Variants in NF1 observed in about 807,000 individuals in gnomAD.
NF1 encodes the protein neurofibromin.
In NF1, 122 loss-of-function variants were observed where a neutral mutation model predicts 325.7. The ratio of observed to expected loss-of-function variants is 0.37; its 90% CI spans 0.32 to 0.44. NF1 has a LOEUF of 0.44. NF1 is among the 20% of genes least tolerant of loss of function. The pLI is 1.00. For synonymous variants in NF1, 1,091 were observed against 1,186.0 expected, an observed-to-expected ratio of 0.92 and a Z score of 1.65; for missense variants, 2,140 against 3,415.4, an observed-to-expected ratio of 0.63 and a Z score of 9.31.
intron 29 of NF1, among the ~76,000 whole-genome samples, chr17:31,240,059 C>T (rs1343725355): frequency 6.6e-6 from 1 of 152,126 alleles, no homozygotes; most frequent in Admixed American, 6.5e-5. Flanking sequence ...CCACCGTGCC[C>T]GGCCTATCGT....
At chr17:31,333,492 C>T (rs1442756031) in intron 39 of NF1, among the ~76,000 whole-genome samples, 1 of 152,128 alleles carries the variant, frequency 6.6e-6, no homozygotes, top group Admixed American at 6.5e-5. Context: ...TCAGTACCCT[C>T]CCTTCACCAA....
rs876659035 is a variant in NF1 at position 31,356,512 on chromosome 17, G to C, written c.7668G>C (p.Arg2556Ser). The C allele has an allele frequency of 6.2e-7, 1 of 1,613,620 alleles. No individual in the cohort carries two copies. The highest frequency in any genetic ancestry group is 1.3e-5 in the African/African-American group (1 of 74,908). Residue 2556 changes from arginine (R) to serine (S), a missense_variant, in exon 52 of 58, where the codon AGG becomes AGC. Coordinates refer to ENST00000358273, the MANE Select transcript of NF1 (RefSeq NM_001042492.3). ...HLISDTKAPK[R>S]QEMESGITTP... ...TATCAGACACAAAGGCTCCTAAAAG[G>C]CAAGAAATGGAATCAGGGATCACAA...
intron 36 of NF1, among the ~76,000 whole-genome samples, chr17:31,313,490 G>C (rs1028250229): frequency 2.0e-5 from 3 of 152,040 alleles, no homozygotes; most frequent in African/African-American, 7.2e-5. Flanking sequence ...GATCACCCAA[G>C]GTCAGGAGTA....
At chr17:31,250,115 A>G (rs958458799) in intron 30 of NF1, 1 of 430,560 alleles carries the variant, frequency 2.3e-6, no homozygotes, top group South Asian at 1.9e-5. Context: ...TCTGTAAAAA[A>G]GCTTTTCACG....
chr17:31,272,761 C>T (rs2067925551), intron 36 of NF1: 1 of 152,174 alleles, frequency 6.6e-6, no homozygotes, highest in South Asian at 2.1e-4. Flanking sequence ...GAACATCATC[C>T]TCCTCTGTTT....
chr17:31,204,168 C>T (rs185151359), intron 11 of NF1, among the ~76,000 whole-genome samples: 31 of 151,970 alleles, frequency 2.0e-4, no homozygotes, highest in Admixed American at 7.9e-4. Context: ...ACTTATGAAC[C>T]AATTATCTTA....
At chr17:31,170,389 G>T (rs1196036037) in intron 5 of NF1, among the ~76,000 whole-genome samples, 2 of 152,192 alleles carry the variant, frequency 1.3e-5, no homozygotes, top group Non-Finnish European at 2.9e-5. Context: ...AAGTTTTATT[G>T]CAGAATGGAA....
chr17:31,159,082 T>C lies in NF1; in HGVS notation c.277T>C (p.Cys93Arg), dbSNP rs1555605398. 6.2e-7 allele frequency: 1 copy of C among 1,608,120 alleles called. No homozygotes were observed. The highest frequency in any genetic ancestry group is 8.5e-7 in the Non-Finnish European group (1 of 1,174,818). ...GATTATATTGGATACACTGGAAAAA[T>C]GTCTTGCTGGGGTAAGTAAATTGAT... is the stretch of plus-strand genomic sequence containing the variant. ...QLIILDTLEK[C>R]LAGQPKDTMR... Residue 93 changes from cysteine (C) to arginine (R), a missense_variant, in exon 3 of 58, where the codon TGT becomes CGT. By Grantham distance (180) the Cys-to-Arg change is radical. Transcript: ENST00000358273.
chr17:31,273,998 A>C (rs73275641), intron 36 of NF1, among the ~76,000 whole-genome samples: 1 of 152,176 alleles, frequency 6.6e-6, no homozygotes, highest in Non-Finnish European at 1.5e-5. Flanking sequence ...ACATCTGTAC[A>C]TATGTTTATA....
intron 36 of NF1, among the ~76,000 whole-genome samples, chr17:31,322,131 C>T (rs1311592561): frequency 8.2e-6 from 1 of 121,984 alleles, no homozygotes; most frequent in Non-Finnish European, 1.6e-5. Flanking sequence ...ACACACACAA[C>T]TGTCAAACAT....
Position 31,350,332 on chromosome 17 carries a change from C to A in NF1, c.7457+14C>A, listed in dbSNP as rs2151574734. The A allele has an allele frequency of 6.2e-7, 1 of 1,607,032 alleles. No homozygotes were observed. The highest frequency in any genetic ancestry group is 8.5e-7 in the Non-Finnish European group (1 of 1,174,504). Reference sequence around the variant, plus strand: ...CCCTTCCTATAGGTAAGTGGATTTACTCTCCTATAATTACATAATCATAAT... The same window carrying A: ...CCCTTCCTATAGGTAAGTGGATTTAATCTCCTATAATTACATAATCATAAT... On this transcript the variant is annotated intron_variant, in intron 50 of 57. Transcript: ENST00000358273.
Position 31,169,952 on chromosome 17 carries a change from C to G in NF1, c.541C>G (p.Gln181Glu), listed in dbSNP as rs753529924. 1.2e-6 allele frequency: 2 copies of G among 1,602,316 alleles called. No homozygotes were observed. The highest frequency in any genetic ancestry group is 1.7e-6 in the Non-Finnish European group (2 of 1,171,572). ...TGATGTTCATGATATAGAATTGTTA[C>G]AGTATATCAATGTGGATTGTGCAAA... is the stretch of plus-strand genomic sequence containing the variant. ...NVDVHDIELL[Q>E]YINVDCAKLK... The change falls in exon 5 of 58, where the codon CAG becomes GAG. Residue 181 changes from glutamine (Q) to glutamate (E), a missense_variant. This residue lies in a region of NF1 where 246 missense variants were observed against 347.8 expected (regional missense o/e 0.71). Transcript: ENST00000358273.
At chr17:31,208,640 C>T (rs1161665095) in intron 12 of NF1, among the ~76,000 whole-genome samples, 1 of 152,116 alleles carries the variant, frequency 6.6e-6, no homozygotes, top group East Asian at 1.9e-4. Context: ...TCTGTAATCC[C>T]AGCACTTTGG....
chr17:31,323,510 C>T (rs1025107634), intron 36 of NF1, among the ~76,000 whole-genome samples: 6 of 152,270 alleles, frequency 3.9e-5, no homozygotes, highest in South Asian at 2.1e-4. Flanking sequence ...TTGATTCTGA[C>T]GCCAGTAGTC....
chr17:31,124,390 C>G (rs4395133), intron 1 of NF1, among the ~76,000 whole-genome samples: 3 of 151,444 alleles, frequency 2.0e-5, no homozygotes, highest in Non-Finnish European at 4.4e-5. Flanking sequence ...TAAACCTATT[C>G]TAAGACTTGC....
At chr17:31,171,622 C>T (rs2953008) in intron 5 of NF1, among the ~76,000 whole-genome samples, 151,407 of 152,326 alleles carry the variant, frequency 0.99, 75,273 homozygotes, top group Middle Eastern at 1. Flanking sequence ...ACTTTCCCAT[C>T]GAATGCGGCT....
In NF1 at chr17:31,282,909, A is replaced by G. The variant is rs184208974; in HGVS notation, c.4835+17570A>G. On this transcript the variant is annotated intron_variant, in intron 36 of 57. Transcript: ENST00000358273. ...TGAATGAGAGTTTGAATTTCTGTAC[A>G]TCTTCACCCAACACTTGATATTGTC... 1.2e-3 allele frequency among the ~76,000 whole-genome samples: 178 copies of G among 152,308 alleles called. 1 individual carries two copies. In the Middle Eastern group the frequency reaches 0.02, roughly 17 times the overall value.
At chr17:31,122,297 A>C (rs898382428) in intron 1 of NF1, among the ~76,000 whole-genome samples, 1 of 152,194 alleles carries the variant, frequency 6.6e-6, no homozygotes, top group Non-Finnish European at 1.5e-5. Context: ...GGAGGAAAGG[A>C]GGAGATTTAA....
At chr17:31,232,560 G>A in intron 25 of NF1, 140 bp from the exon 26 acceptor site, 1 of 809,634 alleles carries the variant, frequency 1.2e-6, no homozygotes, top group African/African-American at 1.7e-5. Flanking sequence ...AGCCACCCTG[G>A]CTGATTATCG....
Sources: gnomAD v4.1 joint callset for allele counts (sites outside exome capture counted in the v4.1 genomes callset) on GRCh38, gnomAD v4.1.1 for gene constraint, gnomAD v4.1.1 regional missense constraint, MANE v1.5 for transcripts, NCBI Gene and HGNC (gene_info 2026-07-23, HGNC 2026-07-21) for gene names.